Variants in CLEC16A observed in about 807,000 individuals in gnomAD.
CLEC16A encodes the protein C-type lectin domain containing 16A, also known as protein CLEC16A.
CLEC16A carries 51 observed loss-of-function variants against 109.5 expected under a neutral mutation model. The ratio of observed to expected loss-of-function variants is 0.47; its 90% confidence interval spans 0.37 to 0.59. The LOEUF (loss-of-function observed/expected upper bound fraction) is 0.59, where lower values mean the gene tolerates loss of function less well. Among genes scored for constraint, CLEC16A ranks in the 20% least tolerant of loss-of-function variants. CLEC16A has a pLI of 0.00. For missense variants in CLEC16A, 1,339 were observed against 1,394.0 expected (o/e 0.96, Z 0.63); for synonymous variants, 673 against 564.2 (o/e 1.19, Z -2.73).
intron 19 of CLEC16A, among the ~76,000 whole-genome samples, chr16:11,069,068 A>G (rs1338947973): frequency 6.6e-6 from 1 of 151,842 alleles, no homozygotes; most frequent in Non-Finnish European, 1.5e-5. Context: ...CCTGGCCTCA[A>G]ATAGTCCGCC....
chr16:11,043,627 G>A (rs2047468978), intron 15 of CLEC16A, among the ~76,000 whole-genome samples: 1 of 152,146 alleles, frequency 6.6e-6, no homozygotes, highest in African/African-American at 2.4e-5. Context: ...CACTTTGGGA[G>A]GCCGAGGCGG....
chr16:11,156,286 C>G (rs1359445906), intron 22 of CLEC16A, among the ~76,000 whole-genome samples: 2 of 150,584 alleles, frequency 1.3e-5, no homozygotes, highest in Non-Finnish European at 2.9e-5. Context: ...AGGAGAATCA[C>G]TTGAATGCGG....
chr16:10,945,795 C>T (rs1386028062), intron 1 of CLEC16A, among the ~76,000 whole-genome samples: 1 of 152,214 alleles, frequency 6.6e-6, no homozygotes, highest in African/African-American at 2.4e-5. Flanking sequence ...AGTTCCTATC[C>T]ATCACATCTT....
intron 10 of CLEC16A, among the ~76,000 whole-genome samples, chr16:10,995,206 A>AGCAGCACT (rs2044256351): frequency 6.6e-6 from 1 of 152,246 alleles, no homozygotes; most frequent in South Asian, 2.1e-4. Flanking sequence ...GGCACCTCTC[A>AGCAGCACT]GCAGCACTGT....
chr16:11,051,547 A>G lies in CLEC16A; in HGVS notation c.1901A>G (p.Asp634Gly). The change falls in exon 18 of 24, where the codon GAC (aspartate) becomes GGC (glycine). Residue 634 changes from aspartate to glycine, a missense_variant. Asp to Gly is a moderately conservative substitution (Grantham distance 94). Transcript: ENST00000409790. ...KPMNVEYLMM[D>G]ASILLPPTGT... ...ATGAACGTGGAATATCTCATGATGG[A>G]CGCCTCCATCCTGCTGCCCCCAACA... 6.2e-7 allele frequency: 1 copy of G among 1,613,940 alleles called. No individual in the cohort carries two copies. The highest frequency in any genetic ancestry group is 8.5e-7 in the Non-Finnish European group (1 of 1,179,850).
At chr16:11,169,974 CAG>C (rs1190724222) in intron 23 of CLEC16A, among the ~76,000 whole-genome samples, 1 of 152,176 alleles carries the variant, frequency 6.6e-6, no homozygotes, top group Admixed American at 6.5e-5. Context: ...GTAGAAAACA[CAG>C]GGGCCCAGAA....
At chr16:11,084,010 A>C (rs1469787892) in intron 19 of CLEC16A, among the ~76,000 whole-genome samples, 1 of 152,166 alleles carries the variant, frequency 6.6e-6, no homozygotes, top group African/African-American at 2.4e-5. Flanking sequence ...CCACCAGCAG[A>C]GTCCAAGCCC....
At chr16:10,967,193 C>T (rs907709919) in intron 3 of CLEC16A, among the ~76,000 whole-genome samples, 2 of 152,162 alleles carry the variant, frequency 1.3e-5, no homozygotes, top group Non-Finnish European at 2.9e-5. Context: ...AGGAGGACCA[C>T]GCCACAGGCC....
At chr16:11,104,959 C>G (rs1179315808) in intron 19 of CLEC16A, among the ~76,000 whole-genome samples, 2 of 152,202 alleles carry the variant, frequency 1.3e-5, no homozygotes, top group Non-Finnish European at 2.9e-5. Context: ...GGCTGCTGAA[C>G]AGCGGGGAAG....
At chr16:11,147,799 T>G (rs1303190991) in intron 22 of CLEC16A, among the ~76,000 whole-genome samples, 1 of 152,228 alleles carries the variant, frequency 6.6e-6, no homozygotes, top group Non-Finnish European at 1.5e-5. Flanking sequence ...GTGTCCCATT[T>G]TGATCATAAA....
chr16:11,120,294 G>A (rs1278256352), intron 19 of CLEC16A, among the ~76,000 whole-genome samples: 1 of 152,246 alleles, frequency 6.6e-6, no homozygotes, highest in African/African-American at 2.4e-5. Context: ...TTAAGCTACG[G>A]CTTGAGCACC....
intron 16 of CLEC16A, among the ~76,000 whole-genome samples, chr16:11,045,699 C>T (rs2047601137): frequency 1.3e-5 from 2 of 152,134 alleles, no homozygotes; most frequent in South Asian, 4.2e-4. Flanking sequence ...CTCTGCAGAT[C>T]CTGCGAGTGA....
chr16:11,149,694 C>T (rs950104431), intron 22 of CLEC16A, among the ~76,000 whole-genome samples: 1 of 151,754 alleles, frequency 6.6e-6, no homozygotes, highest in African/African-American at 2.4e-5. Context: ...GAAGCTGAGA[C>T]ATGAGAATGG....
chr16:11,002,146 T>C (rs1350195944), intron 10 of CLEC16A, among the ~76,000 whole-genome samples: 1 of 152,204 alleles, frequency 6.6e-6, no homozygotes, highest in African/African-American at 2.4e-5. Flanking sequence ...CAGATCCTTT[T>C]CTGTCTCTGT....
At chr16:11,148,812 A>G (rs2054176582) in intron 22 of CLEC16A, among the ~76,000 whole-genome samples, 1 of 152,178 alleles carries the variant, frequency 6.6e-6, no homozygotes, top group Non-Finnish European at 1.5e-5. Flanking sequence ...ACAGCGATGC[A>G]CCAGAATGCT....
At chr16:11,036,581 G>A (rs1180340481) in intron 13 of CLEC16A, among the ~76,000 whole-genome samples, 8 of 133,372 alleles carry the variant, frequency 6.0e-5, no homozygotes, top group East Asian at 2.3e-4. Flanking sequence ...CAAGAGTCTC[G>A]CTCTGTCACC....
intron 22 of CLEC16A, among the ~76,000 whole-genome samples, chr16:11,134,397 A>T (rs1329572960): frequency 6.6e-6 from 1 of 152,142 alleles, no homozygotes; most frequent in East Asian, 1.9e-4. Flanking sequence ...ACCACCCTGG[A>T]AGCTGGTATC....
intron 3 of CLEC16A, among the ~76,000 whole-genome samples, chr16:10,966,727 C>A (rs1033804969): frequency 6.6e-6 from 1 of 152,076 alleles, no homozygotes; most frequent in Non-Finnish European, 1.5e-5. Context: ...GGGGGAAGCC[C>A]CTTACAAAAC....
intron 22 of CLEC16A, among the ~76,000 whole-genome samples, chr16:11,131,333 C>T (rs1211309552): frequency 6.6e-6 from 1 of 152,254 alleles, no homozygotes; most frequent in East Asian, 1.9e-4. Context: ...CAAGGCCACC[C>T]TTTCCATAAA....
Sources: allele counts gnomAD v4.1 joint callset (sites outside exome capture counted in the v4.1 genomes callset), GRCh38; gene constraint gnomAD v4.1.1; transcripts MANE v1.5; gene names NCBI Gene and HGNC (gene_info 2026-07-23, HGNC 2026-07-21).